CDK14: variants seen among roughly 807,000 people sequenced by gnomAD.
The protein encoded by CDK14 is cyclin-dependent kinase 14.
CDK14 carries 34 observed loss-of-function variants against 60.7 expected under a neutral mutation model. The observed-to-expected ratio is 0.56, with a 90% confidence interval of 0.43 to 0.75. The LOEUF (loss-of-function observed/expected upper bound fraction) is 0.75, where lower values mean the gene tolerates loss of function less well. Among genes scored for constraint, CDK14 ranks in the 30% least tolerant of loss-of-function variants. The pLI is 0.00. For missense variants in CDK14, 482 were observed against 564.1 expected, an observed-to-expected ratio of 0.85 and a Z score of 1.47; for synonymous variants, 197 against 203.7, an observed-to-expected ratio of 0.97 and a Z score of 0.28.
chr7:91,164,114 A>G (rs1220010101), intron 14 of CDK14, among the ~76,000 whole-genome samples: 2 of 152,190 alleles, frequency 1.3e-5, no homozygotes, highest in African/African-American at 4.8e-5. Context: ...AATATTACTT[A>G]CATAGCAGAA....
chr7:91,079,461 CT>C lies in CDK14; in HGVS notation c.1137del (p.Arg380AspfsTer10). The C allele has an allele frequency of 6.2e-7, 1 of 1,602,118 alleles. No homozygotes were observed. The highest frequency in any genetic ancestry group is 8.5e-7 in the Non-Finnish European group (1 of 1,170,638). On this transcript the variant is annotated frameshift_variant, in exon 12 of 15. Coordinates refer to ENST00000380050, the MANE Select transcript of CDK14 (RefSeq NM_001287135.2). LOFTEE classifies it high-confidence loss of function. ...ERFTLYSSKN[L>X]RQAWNKLSYV... ...CTTTACCCTGTACAGCTCTAAAAACCTTAGACAAGCATGGAATAAGTAAGTC... is the reference window on the plus strand; with the variant it reads ...CTTTACCCTGTACAGCTCTAAAAACCTAGACAAGCATGGAATAAGTAAGTC...
chr7:90,698,123 A>G (rs1801705629), intron 2 of CDK14, among the ~76,000 whole-genome samples: 1 of 151,760 alleles, frequency 6.6e-6, no homozygotes, highest in African/African-American at 2.4e-5. Context: ...GGGTATGTCA[A>G]TTAAAAAAAG....
intron 10 of CDK14, among the ~76,000 whole-genome samples, chr7:91,000,549 G>A (rs1367152609): frequency 1.3e-5 from 2 of 152,216 alleles, no homozygotes; most frequent in African/African-American, 4.8e-5. Flanking sequence ...AGTATAAGTA[G>A]TTTATTAAGG....
At chr7:91,022,024 C>T (rs989108347) in intron 10 of CDK14, among the ~76,000 whole-genome samples, 3 of 152,174 alleles carry the variant, frequency 2.0e-5, no homozygotes, top group African/African-American at 7.2e-5. Flanking sequence ...GCCTGACAGT[C>T]ATCTCTCCAA....
intron 14 of CDK14, among the ~76,000 whole-genome samples, chr7:91,172,396 G>C (rs1801548779): frequency 6.6e-6 from 1 of 152,074 alleles, no homozygotes; most frequent in South Asian, 2.1e-4. Flanking sequence ...CCATTGTCTG[G>C]TCGCCTTAGC....
chr7:91,116,056 C>T (rs1305216101), intron 13 of CDK14, among the ~76,000 whole-genome samples: 2 of 152,100 alleles, frequency 1.3e-5, no homozygotes, highest in African/African-American at 4.8e-5. Context: ...ACAGCTTTGT[C>T]CCACTTCTTC....
At chr7:90,647,138 C>A (rs1002455967) in intron 2 of CDK14, among the ~76,000 whole-genome samples, 1 of 151,978 alleles carries the variant, frequency 6.6e-6, no homozygotes, top group African/African-American at 2.4e-5. Flanking sequence ...ATTATTTTTT[C>A]TTGTGAACTA....
intron 5 of CDK14, among the ~76,000 whole-genome samples, chr7:90,850,921 A>G (rs974140974): frequency 6.6e-6 from 1 of 152,166 alleles, no homozygotes; most frequent in African/African-American, 2.4e-5. Flanking sequence ...TGATGCTGCA[A>G]GTGAACAGTT....
chr7:90,651,631 C>T (rs913826415), intron 2 of CDK14, among the ~76,000 whole-genome samples: 2 of 152,108 alleles, frequency 1.3e-5, no homozygotes, highest in Admixed American at 6.6e-5. Context: ...GATATGTCAC[C>T]CCTCACAATT....
At chr7:91,057,820 A>T (rs1481637438) in intron 11 of CDK14, among the ~76,000 whole-genome samples, 1 of 152,282 alleles carries the variant, frequency 6.6e-6, no homozygotes, top group East Asian at 1.9e-4. Context: ...CTTGTAGTAT[A>T]GTTTGAAGTC....
intron 5 of CDK14, among the ~76,000 whole-genome samples, chr7:90,826,585 C>T (rs1207903445): frequency 6.6e-6 from 1 of 152,134 alleles, no homozygotes; most frequent in Non-Finnish European, 1.5e-5. Flanking sequence ...GATACTAGTT[C>T]TAGCAGGAAG....
chr7:90,731,191 C>G (rs1442704759), intron 3 of CDK14, among the ~76,000 whole-genome samples: 1 of 152,150 alleles, frequency 6.6e-6, no homozygotes, highest in Non-Finnish European at 1.5e-5. Context: ...TCTCAGGTCT[C>G]TGTTCTGTTC....
intron 14 of CDK14, among the ~76,000 whole-genome samples, chr7:91,136,207 G>A (rs2115576571): frequency 1.3e-5 from 2 of 152,222 alleles, no homozygotes; most frequent in Middle Eastern, 6.8e-3. Context: ...ACTTTGATCT[G>A]TGTCCAGTTT....
At chr7:90,817,970 C>T (rs551449818) in intron 5 of CDK14, among the ~76,000 whole-genome samples, 1 of 152,272 alleles carries the variant, frequency 6.6e-6, no homozygotes, top group South Asian at 2.1e-4. Flanking sequence ...GAATTGATTA[C>T]CAGACAGATT....
intron 2 of CDK14, among the ~76,000 whole-genome samples, chr7:90,686,683 A>G (rs1428768173): frequency 6.6e-6 from 1 of 152,204 alleles, no homozygotes; most frequent in East Asian, 1.9e-4. Context: ...AGCATAATAT[A>G]GAGTGCATAA....
chr7:90,909,231 A>G (rs1013397213), intron 7 of CDK14, among the ~76,000 whole-genome samples: 1 of 152,170 alleles, frequency 6.6e-6, no homozygotes, highest in African/African-American at 2.4e-5. Flanking sequence ...TAATTCTGGC[A>G]GACAGAAACT....
At chr7:90,674,826 C>T (rs1196558770) in intron 2 of CDK14, among the ~76,000 whole-genome samples, 1 of 152,178 alleles carries the variant, frequency 6.6e-6, no homozygotes, top group Non-Finnish European at 1.5e-5. Context: ...CCCAGTCTGG[C>T]TCAGCCTCCA....
Position 91,086,236 on chromosome 7 carries a change from C to G in CDK14, c.1154+6756C>G, listed in dbSNP as rs181858276. ...TGTAAACACCCTGAGTATAATAGCT[C>G]TGGAGTACCCAATAAGCATAATAAA... On this transcript the variant is annotated intron_variant, in intron 12 of 14. Coordinates refer to ENST00000380050, the MANE Select transcript of CDK14 (RefSeq NM_001287135.2). 2.4e-4 allele frequency among the ~76,000 whole-genome samples: 36 copies of G among 152,270 alleles called. 1 individual carries two copies. Among genetic ancestry groups the G allele is most frequent in the Admixed American group, 2.2e-3 (33 of 15,288 alleles).
intron 4 of CDK14, among the ~76,000 whole-genome samples, chr7:90,785,495 A>G (rs1805538015): frequency 6.6e-6 from 1 of 152,166 alleles, no homozygotes; most frequent in African/African-American, 2.4e-5. Context: ...TGAATGGGTG[A>G]AAAAATAAAT....
Sources: gnomAD v4.1 joint callset for allele counts (sites outside exome capture counted in the v4.1 genomes callset) on GRCh38, gnomAD v4.1.1 for gene constraint, MANE v1.5 for transcripts, NCBI Gene and HGNC (gene_info 2026-07-23, HGNC 2026-07-21) for gene names.